UBE2V2: variants seen among roughly 807,000 people sequenced by gnomAD.
UBE2V2 encodes the protein ubiquitin conjugating enzyme E2 V2.
UBE2V2 carries 9 observed loss-of-function variants against 17.2 expected under a neutral mutation model. The observed-to-expected ratio is 0.52, with a 90% CI of 0.32 to 0.91. The LOEUF (loss-of-function observed/expected upper bound fraction) is 0.91, where lower values mean the gene tolerates loss of function less well. Ranked by LOEUF, UBE2V2 falls within the 40% of genes least tolerant of loss-of-function variation. The pLI, the probability that UBE2V2 is intolerant of heterozygous loss-of-function variation, is 0.04. For missense variants in UBE2V2, 133 were observed against 182.6 expected (o/e 0.73, Z 1.56); for synonymous variants, 61 against 57.5 (o/e 1.06, Z -0.28).
chr8:48,010,847 G>A (rs2091224581), intron 1 of UBE2V2, among the ~76,000 whole-genome samples: 2 of 149,966 alleles, frequency 1.3e-5, no homozygotes, highest in African/African-American at 4.9e-5. Flanking sequence ...ACAGGTGCAT[G>A]CCACCACGCC....
rs555537324 is a variant in UBE2V2 at position 48,047,740 on chromosome 8, G to A, written c.166-2113G>A. On this transcript the variant is annotated intron_variant, in intron 2 of 3. Coordinates refer to ENST00000523111, the MANE Select transcript of UBE2V2 (RefSeq NM_003350.3). The stretch of plus-strand genomic sequence containing the variant: ...TTTTTGTATTTTTAATAGAGACGGG[G>A]TTTCACCATGTTGGCCAGGCTGGTC... 2.6e-5 allele frequency among the ~76,000 whole-genome samples: 4 copies of A among 152,044 alleles called. No homozygotes were observed. The East Asian group carries it at 7.8e-4, about 29-fold the overall frequency.
At chr8:48,020,154 C>T (rs966661738) in intron 1 of UBE2V2, among the ~76,000 whole-genome samples, 11 of 151,734 alleles carry the variant, frequency 7.2e-5, no homozygotes, top group African/African-American at 2.4e-4. Context: ...TTTCCTACCT[C>T]AGCCTCCTGT....
rs767177175 is a variant in UBE2V2, at chr8:48,043,018, C to T, written c.17-15C>T. 52 of 1,487,944 alleles carry T rather than the reference C, an allele frequency of 3.5e-5. No homozygotes were observed. The highest frequency in any genetic ancestry group is 6.4e-5 in the Admixed American group (3 of 46,812). 92.2% of individuals were successfully genotyped at this position (1,487,944 alleles called of 1,614,324 possible). A position where few individuals can be genotyped will look rare whatever the true frequency, so the allele number is the denominator to read the frequency against. Reference sequence around the variant, plus strand: ...TATGAGCTTTTTACATTTACACTGACGTTCTTTTGTATAGGAGTTAAAGTT... The same window carrying T: ...TATGAGCTTTTTACATTTACACTGATGTTCTTTTGTATAGGAGTTAAAGTT... On this transcript the variant is annotated splice_polypyrimidine_tract_variant and intron_variant, in intron 1 of 3. Transcript: ENST00000523111.
At chr8:48,052,954 C>T (rs2091548624) in intron 3 of UBE2V2, among the ~76,000 whole-genome samples, 3 of 152,206 alleles carry the variant, frequency 2.0e-5, no homozygotes, top group African/African-American at 7.2e-5. Context: ...GTCACTCAGG[C>T]TGGAGTGCAG....
intron 2 of UBE2V2, 182 bp downstream of exon 2, chr8:48,043,363 G>A (rs888255499): frequency 2.2e-6 from 1 of 461,662 alleles, no homozygotes; most frequent in Non-Finnish European, 3.4e-6. Flanking sequence ...GTAGAGGATT[G>A]GGGGGAGGAA....
chr8:48,010,802 A>G (rs2091223890), intron 1 of UBE2V2, among the ~76,000 whole-genome samples: 1 of 150,214 alleles, frequency 6.7e-6, no homozygotes, highest in South Asian at 2.1e-4. Flanking sequence ...GGTTCAAGCA[A>G]TTCCTCTGCC....
chr8:48,022,149 T>C (rs1194426840), intron 1 of UBE2V2, among the ~76,000 whole-genome samples: 1 of 151,888 alleles, frequency 6.6e-6, no homozygotes, highest in Admixed American at 6.6e-5. Context: ...GATCTTTTTT[T>C]TTTTTTGGAG....
At chr8:48,040,271 T>A (rs1313693249) in intron 1 of UBE2V2, among the ~76,000 whole-genome samples, 5 of 152,132 alleles carry the variant, frequency 3.3e-5, no homozygotes, top group African/African-American at 7.2e-5. Context: ...ACCCCTACAT[T>A]CTTCAACTAG....
rs562557370 is a variant in UBE2V2, at chr8:48,062,249, A to G, written c.*1421A>G. The G allele has an allele frequency of 5.9e-5, 9 of 152,340 alleles. No individual in the cohort carries two copies. The South Asian group carries it at 1.7e-3, about 28-fold the overall frequency. 9.4% of individuals were successfully genotyped at this position (152,340 alleles called of 1,614,324 possible). ...TGTGTCATACTTTACCCCAGTATAT[A>G]TAGGCAAACCAAAACCTTATCAAAT... On this transcript the variant is annotated 3_prime_UTR_variant, in exon 4 of 4. Coordinates refer to ENST00000523111, the MANE Select transcript of UBE2V2 (RefSeq NM_003350.3).
At chr8:48,059,117 T>A (rs1027708519) in intron 3 of UBE2V2, among the ~76,000 whole-genome samples, 1 of 152,018 alleles carries the variant, frequency 6.6e-6, no homozygotes, top group Admixed American at 6.6e-5. Flanking sequence ...TGTATTTTAG[T>A]AGAGACGGGG....
At chr8:48,042,912 G>T in intron 1 of UBE2V2, 121 bp from the exon 2 acceptor site, 1 of 1,028,448 alleles carries the variant, frequency 9.7e-7, no homozygotes, top group Non-Finnish European at 1.3e-6. Flanking sequence ...GCTTTTTAAA[G>T]GGGATTTGGT....
chr8:48,000,386 C>T, the UBE2V2 span, among the ~76,000 whole-genome samples: 7 of 152,304 alleles, frequency 4.6e-5, no homozygotes, highest in East Asian at 1.2e-3. Flanking sequence ...CCTCTCTTGC[C>T]GAAGCGCCCT....
chr8:47,999,246 T>C, the UBE2V2 span, among the ~76,000 whole-genome samples: 1 of 152,118 alleles, frequency 6.6e-6, no homozygotes, highest in Non-Finnish European at 1.5e-5. Flanking sequence ...AGTTTGTCCC[T>C]AACAATATCC....
chr8:48,004,630 C>T (rs2091172113), upstream of UBE2V2, among the ~76,000 whole-genome samples: 1 of 150,290 alleles, frequency 6.7e-6, no homozygotes, highest in Admixed American at 6.7e-5. Context: ...CTCTTGGGTT[C>T]AAGCAATTCT....
intron 1 of UBE2V2, among the ~76,000 whole-genome samples, chr8:48,034,669 G>C (rs2091408809): frequency 6.6e-6 from 1 of 150,792 alleles, no homozygotes; most frequent in Non-Finnish European, 1.5e-5. Context: ...TTGCCTGAAT[G>C]TATACCAATT....
rs528986181 is a variant in UBE2V2 at position 48,017,918 on chromosome 8, C to T, written c.16+9448C>T. ...CTGGAGTGCAGTGGCATAGTCACGG[C>T]TCGCTGCAGCCTCAACTTCCCAGGC... On this transcript the variant is annotated intron_variant, in intron 1 of 3. Transcript: ENST00000523111. Among the ~76,000 whole-genome samples the T allele has an allele frequency of 3.3e-5, 5 of 150,880 alleles. No homozygotes were observed. The East Asian group carries it at 9.8e-4, about 29-fold the overall frequency.
chr8:48,006,611 C>T (rs1442495412), upstream of UBE2V2, among the ~76,000 whole-genome samples: 3 of 152,132 alleles, frequency 2.0e-5, no homozygotes. Flanking sequence ...TCGGCTTCAT[C>T]CCTGGGATGC....
chr8:48,057,419 G>A (rs1245421178), intron 3 of UBE2V2, among the ~76,000 whole-genome samples: 1 of 151,340 alleles, frequency 6.6e-6, no homozygotes, highest in Non-Finnish European at 1.5e-5. Context: ...CCTGTGTCTC[G>A]GCCTCCCAAG....
chr8:48,020,101 T>C (rs2091294892), intron 1 of UBE2V2, among the ~76,000 whole-genome samples: 1 of 151,684 alleles, frequency 6.6e-6, no homozygotes, highest in Non-Finnish European at 1.5e-5. Flanking sequence ...TGCAGTGGCG[T>C]GAACATGGCT....
Sources: gnomAD v4.1 joint callset for allele counts (sites outside exome capture counted in the v4.1 genomes callset) on GRCh38, gnomAD v4.1.1 for gene constraint, MANE v1.5 for transcripts, NCBI Gene and HGNC (gene_info 2026-07-23, HGNC 2026-07-21) for gene names.